The following PAX7 variants were observed in gnomAD, a reference collection of about 807,000 sequenced individuals.
The protein encoded by PAX7 is paired box protein Pax-7.
In PAX7, 18 loss-of-function variants were observed where a neutral mutation model predicts 50.7. The ratio of observed to expected loss-of-function variants is 0.36; its 90% confidence interval spans 0.25 to 0.53. The LOEUF is 0.53. Among genes scored for constraint, PAX7 ranks in the 20% least tolerant of loss-of-function variants. PAX7 has a pLI of 0.93. For synonymous variants in PAX7, 310 were observed against 290.4 expected (o/e 1.07, Z -0.69); for missense variants, 644 against 702.9 (o/e 0.92, Z 0.95).
intron 6 of PAX7, among the ~76,000 whole-genome samples, chr1:18,701,915 C>G (rs1251942962): frequency 6.6e-6 from 1 of 152,096 alleles, no homozygotes; most frequent in Non-Finnish European, 1.5e-5. Flanking sequence ...GTCTGGGTCT[C>G]AGGAGAGAAG....
At chr1:18,669,359 G>A (rs1011543472) in intron 4 of PAX7, among the ~76,000 whole-genome samples, 6 of 152,160 alleles carry the variant, frequency 3.9e-5, no homozygotes, top group African/African-American at 1.4e-4. Flanking sequence ...GTGGCCTTAG[G>A]ATTTAGCAAA....
Position 18,726,526 on chromosome 1 carries a change from G to A in PAX7, c.1156-9106G>A, listed in dbSNP as rs772513030. The stretch of plus-strand genomic sequence containing the variant: ...GCAGCTCCTGGCCAAATCCAGGCAC[G>A]TCATGGCCAAATCCAGGCACGTCAT... On this transcript the variant is annotated intron_variant, in intron 7 of 8. Coordinates refer to ENST00000420770, the MANE Select transcript of PAX7 (RefSeq NM_001135254.2). The surrounding 1 kb of genome is among the most constrained non-coding windows in gnomAD (Gnocchi z 4.8). Among the ~76,000 whole-genome samples the A allele has an allele frequency of 3.9e-5, 6 of 152,142 alleles. No homozygotes were observed. Among genetic ancestry groups the A allele is most frequent in the East Asian group, 1.9e-4 (1 of 5,182 alleles).
In PAX7 at chr1:18,747,904, CA is replaced by C. The variant is rs796695317; in HGVS notation, c.*2978del. The C allele has an allele frequency of 1.9e-4, 37 of 195,050 alleles. No individual in the cohort carries two copies. The highest frequency in any genetic ancestry group is 8.1e-4 in the African/African-American group (35 of 43,260). 12.1% of individuals were successfully genotyped at this position (195,050 alleles called of 1,614,324 possible). On this transcript the variant is annotated 3_prime_UTR_variant, in exon 9 of 9. Transcript: ENST00000420770. ...GGATATATCTTCATATTGTGTGTTT[CA>C]AATTATGCATTCCAGGCTCTAGTGG...
chr1:18,641,558 C>T (rs1009681164), intron 4 of PAX7, among the ~76,000 whole-genome samples: 9 of 152,240 alleles, frequency 5.9e-5, no homozygotes, highest in African/African-American at 2.2e-4. Context: ...CCCCTCGGGG[C>T]ACGCACCGCC....
At position 18,745,471 on chromosome 1, in the gene PAX7, G is replaced by A. The variant is rs1570254944; in HGVS notation, c.*542G>A. The A allele has an allele frequency of 4.3e-6, 1 of 233,080 alleles. No homozygotes were observed. The highest frequency in any genetic ancestry group is 6.1e-5 in the East Asian group (1 of 16,344). 14.4% of individuals were successfully genotyped at this position (233,080 alleles called of 1,614,324 possible). A position where few individuals can be genotyped will look rare whatever the true frequency, so the allele number is the denominator to read the frequency against. ...GGACTCCAGCAAAGAGGGGACCCTG[G>A]CCCTGGGGTCTTCCCAGGGGAGTCA... On this transcript the variant is annotated 3_prime_UTR_variant, in exon 9 of 9. Transcript: ENST00000420770.
chr1:18,713,206 G>A (rs1372117156), intron 7 of PAX7, among the ~76,000 whole-genome samples: 3 of 152,150 alleles, frequency 2.0e-5, no homozygotes, highest in Non-Finnish European at 4.4e-5. Flanking sequence ...TACACAGATG[G>A]AGTAGAGGCC....
chr1:18,664,596 C>G (rs977062747), intron 4 of PAX7, among the ~76,000 whole-genome samples: 6 of 152,278 alleles, frequency 3.9e-5, no homozygotes, highest in African/African-American at 9.6e-5. Flanking sequence ...CCTTGTCATC[C>G]CTATTTTCCA....
chr1:18,733,240 C>T (rs1325617437), intron 7 of PAX7, among the ~76,000 whole-genome samples: 2 of 152,124 alleles, frequency 1.3e-5, no homozygotes, highest in African/African-American at 4.8e-5. Flanking sequence ...GTCAGACACC[C>T]TCACATACCA....
intron 7 of PAX7, among the ~76,000 whole-genome samples, chr1:18,708,779 C>T (rs951085226): frequency 6.6e-6 from 1 of 152,008 alleles, no homozygotes; most frequent in Non-Finnish European, 1.5e-5. Context: ...GAAGACACAG[C>T]CCCTGTCTTC....
chr1:18,679,463 G>A lies in PAX7; in HGVS notation c.587-12291G>A, dbSNP rs567419906. 7.9e-5 allele frequency among the ~76,000 whole-genome samples: 12 copies of A among 152,272 alleles called. No individual in the cohort carries two copies. The South Asian group carries it at 2.3e-3, about 29-fold the overall frequency. On this transcript the variant is annotated intron_variant, in intron 4 of 8. Transcript: ENST00000420770. ...CAGGCTGCCTTTTCCTTTCCATGCC[G>A]GGCAGCTTCATCTGGCCACTGGAGC...
intron 8 of PAX7, among the ~76,000 whole-genome samples, chr1:18,739,933 T>C (rs1931033503): frequency 6.6e-6 from 1 of 152,150 alleles, no homozygotes; most frequent in Non-Finnish European, 1.5e-5. Flanking sequence ...AAAAGAATTT[T>C]AATAGATCTG....
chr1:18,690,364 C>T (rs2089048875), intron 4 of PAX7, among the ~76,000 whole-genome samples: 1 of 152,250 alleles, frequency 6.6e-6, no homozygotes, highest in African/African-American at 2.4e-5. Flanking sequence ...TTCCTTTCTG[C>T]TTCCTCTTCT....
chr1:18,635,301 G>A, intron 3 of PAX7, 61 bp downstream of exon 3: 1 of 1,587,484 alleles, frequency 6.3e-7, no homozygotes, highest in South Asian at 1.1e-5. Context: ...CCAGTGTGGA[G>A]GGCTGGAGGT....
intron 1 of PAX7, among the ~76,000 whole-genome samples, chr1:18,633,203 G>A (rs2088085941): frequency 6.6e-6 from 1 of 152,168 alleles, no homozygotes; most frequent in South Asian, 2.1e-4. Context: ...CAGCAGCGGA[G>A]CCTCTTCTCG....
In PAX7 at chr1:18,735,979, G is replaced by A; in HGVS notation, c.1402+101G>A. On this transcript the variant is annotated intron_variant, in intron 8 of 8. Transcript: ENST00000420770. The surrounding 1 kb of genome is among the most constrained non-coding windows in gnomAD (Gnocchi z 4.0). ...AGAGCTACAAGGTGGTGTCAGGGTG[G>A]GGAATGTCCATTTCACAGATGGAAA... 1 of 1,613,332 alleles carries A rather than the reference G, an allele frequency of 6.2e-7. No homozygotes were observed. Among genetic ancestry groups the A allele is most frequent in the African/African-American group, 1.3e-5 (1 of 74,990 alleles).
intron 7 of PAX7, among the ~76,000 whole-genome samples, chr1:18,733,819 T>G (rs182790167): frequency 6.6e-6 from 1 of 152,328 alleles, no homozygotes; most frequent in African/African-American, 2.4e-5. Flanking sequence ...CTTGACATTT[T>G]GCAGGTGAGC....
intron 7 of PAX7, among the ~76,000 whole-genome samples, chr1:18,706,646 C>G: frequency 1.3e-5 from 1 of 75,786 alleles, no homozygotes; most frequent in South Asian, 3.9e-4. Context: ...CCACTCCCAA[C>G]TAATTTTTGT....
At chr1:18,646,006 G>A (rs2088332174) in intron 4 of PAX7, among the ~76,000 whole-genome samples, 1 of 152,202 alleles carries the variant, frequency 6.6e-6, no homozygotes, top group Admixed American at 6.5e-5. Flanking sequence ...TCACCCTTCC[G>A]AGGGTCTAAA....
At chr1:18,643,300 C>T (rs2088286797) in intron 4 of PAX7, among the ~76,000 whole-genome samples, 1 of 152,104 alleles carries the variant, frequency 6.6e-6, no homozygotes, top group Non-Finnish European at 1.5e-5. Context: ...CGGACCTTTC[C>T]ATGGCTTGGT....
Sources: allele counts gnomAD v4.1 joint callset (sites outside exome capture counted in the v4.1 genomes callset), GRCh38; gene constraint gnomAD v4.1.1; non-coding constraint Gnocchi (gnomAD v3.1); transcripts MANE v1.5; gene names NCBI Gene and HGNC (gene_info 2026-07-23, HGNC 2026-07-21).